The following CCDC3 variants were observed in gnomAD, a reference collection of about 807,000 sequenced individuals.
CCDC3 encodes coiled-coil domain containing 3, also known as coiled-coil domain-containing protein 3.
In CCDC3, 24 loss-of-function variants were observed where a neutral mutation model predicts 21.4. The observed-to-expected ratio is 1.12, with a 90% CI of 0.81 to 1.58. The LOEUF (loss-of-function observed/expected upper bound fraction) is 1.58. CCDC3 is among the 40% of genes most tolerant of loss of function. The pLI is 0.00. For missense variants in CCDC3, 425 were observed against 360.9 expected (o/e 1.18, Z -1.44); for synonymous variants, 186 against 166.0 (o/e 1.12, Z -0.93).
chr10:12,982,543 C>T (rs931430766), intron 2 of CCDC3, among the ~76,000 whole-genome samples: 4 of 151,690 alleles, frequency 2.6e-5, no homozygotes, highest in African/African-American at 7.3e-5. Context: ...CCAGTAATCC[C>T]AACACTTTGG....
intron 2 of CCDC3, among the ~76,000 whole-genome samples, chr10:12,917,513 T>C (rs1029084543): frequency 9.9e-5 from 15 of 152,080 alleles, no homozygotes; most frequent in Non-Finnish European, 2.1e-4. Flanking sequence ...TCCTTATTTC[T>C]ATGCCACATT....
chr10:13,062,321 A>G (rs1259198415), intron 4 of CCDC3, among the ~76,000 whole-genome samples: 1 of 152,136 alleles, frequency 6.6e-6, no homozygotes, highest in African/African-American at 2.4e-5. Context: ...GGTTGCTAGA[A>G]AGCTTAGAGT....
At chr10:12,959,100 G>A (rs1444736964) in intron 2 of CCDC3, among the ~76,000 whole-genome samples, 1 of 151,758 alleles carries the variant, frequency 6.6e-6, no homozygotes, top group African/African-American at 2.4e-5. Flanking sequence ...TCCTACCACT[G>A]CCCCAGTCCA....
At chr10:12,921,005 G>C (rs1834442766) in intron 2 of CCDC3, among the ~76,000 whole-genome samples, 1 of 152,162 alleles carries the variant, frequency 6.6e-6, no homozygotes, top group Admixed American at 6.5e-5. Flanking sequence ...CAGCATATGA[G>C]AACATTCTCT....
At chr10:13,085,399 C>A (rs1451070129) in intron 3 of CCDC3, among the ~76,000 whole-genome samples, 1 of 152,170 alleles carries the variant, frequency 6.6e-6, no homozygotes, top group Non-Finnish European at 1.5e-5. Context: ...ACAACAATTC[C>A]ACACCCTGTT....
At chr10:13,010,246 TCAAAAAAA>T (rs1297289047) in intron 5 of CCDC3, among the ~76,000 whole-genome samples, 4 of 150,486 alleles carry the variant, frequency 2.7e-5, no homozygotes, top group Middle Eastern at 3.2e-3. Flanking sequence ...AGACTCCATT[TCAAAAAAA>T]CAAAAAAACA....
chr10:13,078,731 A>G lies in CCDC3; in HGVS notation c.-502-4631T>C, dbSNP rs1011590837. Reference sequence around the variant, plus strand: ...TGTAGGGACATGGATGAAGCTGGAAACCACCATTCTGAGCAAACCATCGCA... The same window carrying G: ...TGTAGGGACATGGATGAAGCTGGAAGCCACCATTCTGAGCAAACCATCGCA... On this transcript the variant is annotated intron_variant, in intron 3 of 6. Transcript: ENST00000378839. Among the ~76,000 whole-genome samples, 3 of 152,236 alleles carry G rather than the reference A, an allele frequency of 2.0e-5. No homozygotes were observed. The East Asian group carries it at 5.8e-4, about 29-fold the overall frequency.
intron 2 of CCDC3, among the ~76,000 whole-genome samples, chr10:12,989,774 T>TA (rs371806844): frequency 5.3e-5 from 8 of 152,180 alleles, no homozygotes; most frequent in African/African-American, 1.9e-4. Flanking sequence ...GGAATACTAC[T>TA]AAGATGTTAT....
chr10:13,098,709 G>GCTTTTTTTT (rs1564348313), intron 2 of CCDC3: 1 of 59,476 alleles, frequency 1.7e-5, no homozygotes, highest in Non-Finnish European at 3.0e-5. Flanking sequence ...TTCCTGCACT[G>GCTTTTTTTT]ATTTTTTTTT....
intron 1 of CCDC3, 108 bp from the exon 2 acceptor site, chr10:12,998,620 G>T: frequency 1.1e-6 from 1 of 922,626 alleles, no homozygotes; most frequent in Non-Finnish European, 1.7e-6. Flanking sequence ...TCACATCAAT[G>T]TCTGGCATGG....
At position 13,029,454 on chromosome 10, in the gene CCDC3, C is replaced by A. The variant is rs182543990; in HGVS notation, c.-2+20220G>T. 1.1e-3 allele frequency among the ~76,000 whole-genome samples: 164 copies of A among 152,274 alleles called. 2 individuals carry two copies. The Middle Eastern group carries it at 0.02, about 19-fold the overall frequency. On this transcript the variant is annotated intron_variant, in intron 5 of 6. Coordinates refer to the CCDC3 transcript ENST00000378839. ...TCTCCTCCAAAGGAATGCAGCTCAT[C>A]GCCAACAATGGAACAAAGCTGGACA... is the stretch of plus-strand genomic sequence containing the variant.
upstream of CCDC3, among the ~76,000 whole-genome samples, chr10:13,002,136 C>T (rs984377206): frequency 6.6e-6 from 1 of 152,110 alleles, no homozygotes. Context: ...GCTGAGATCT[C>T]GTGCTCTCTC....
chr10:13,082,326 G>A (rs967219783), intron 3 of CCDC3, among the ~76,000 whole-genome samples: 1 of 151,880 alleles, frequency 6.6e-6, no homozygotes, highest in African/African-American at 2.4e-5. Flanking sequence ...AGCCAAGGCG[G>A]AGAGAGAGGA....
At chr10:12,942,011 CTTCT>C (rs1332551956) in intron 2 of CCDC3, among the ~76,000 whole-genome samples, 8 of 152,146 alleles carry the variant, frequency 5.3e-5, no homozygotes, top group African/African-American at 1.2e-4. Context: ...TACCTATACC[CTTCT>C]TTCTTTCTTT....
At chr10:12,994,075 G>T (rs1024597181) in intron 2 of CCDC3, among the ~76,000 whole-genome samples, 1 of 152,126 alleles carries the variant, frequency 6.6e-6, no homozygotes. Flanking sequence ...TGTCCAAGCT[G>T]AATGGAAACT....
chr10:12,988,056 C>A (rs926973227), intron 2 of CCDC3, among the ~76,000 whole-genome samples: 1 of 152,310 alleles, frequency 6.6e-6, no homozygotes, highest in Non-Finnish European at 1.5e-5. Flanking sequence ...TTCAATGGCT[C>A]CCCAAATCAC....
upstream of CCDC3, among the ~76,000 whole-genome samples, chr10:13,005,925 A>T (rs140945841): frequency 1.4e-3 from 218 of 152,312 alleles, 1 homozygote; most frequent in African/African-American, 5.1e-3. Flanking sequence ...TTTCCCATTT[A>T]GATCATCCAA....
At position 13,065,249 on chromosome 10, in the gene CCDC3, C is replaced by T. The variant is rs1283413545; in HGVS notation, c.-270+8619G>A. ...TCCTAGAGTGCTAATTGTTTATATC[C>T]TACAAGGATCTTATGTTTAGTGTTT... On this transcript the variant is annotated intron_variant, in intron 4 of 6. Transcript: ENST00000378839. Among the ~76,000 whole-genome samples the T allele has an allele frequency of 2.0e-5, 3 of 152,046 alleles. No individual in the cohort carries two copies. In the East Asian group the frequency reaches 5.8e-4, roughly 29 times the overall value.
chr10:12,916,037 AAGCACTCGATTGTCCTGGGACAGGCCT>A (rs1186917676), intron 2 of CCDC3, among the ~76,000 whole-genome samples: 1 of 151,962 alleles, frequency 6.6e-6, no homozygotes, highest in Non-Finnish European at 1.5e-5. Flanking sequence ...AGGACAGGCC[AAGCACTCGATTGTCCTGGGACAGGCCT>A]AAACCCCTGG....
Sources: gnomAD v4.1 joint callset for allele counts (sites outside exome capture counted in the v4.1 genomes callset) on GRCh38, gnomAD v4.1.1 for gene constraint, MANE v1.5 for transcripts, NCBI Gene and HGNC (gene_info 2026-07-23, HGNC 2026-07-21) for gene names.